Variants in EPB41L1 observed in about 807,000 individuals in gnomAD.
EPB41L1 encodes the protein erythrocyte membrane protein band 4.1 like 1.
EPB41L1 carries 29 observed loss-of-function variants against 97.8 expected under a neutral mutation model. The observed-to-expected ratio is 0.30, with a 90% CI of 0.22 to 0.40. EPB41L1 has a LOEUF of 0.40. Ranked by LOEUF, EPB41L1 falls within the 10% of genes least tolerant of loss-of-function variation. The pLI is 1.00. For missense variants in EPB41L1, 812 were observed against 1,162.3 expected (o/e 0.70, Z 4.38); for synonymous variants, 383 against 459.2 (o/e 0.83, Z 2.12).
At chr20:36,141,687 GCAACAAAA>G (rs2059645084) in intron 2 of EPB41L1, among the ~76,000 whole-genome samples, 1 of 152,182 alleles carries the variant, frequency 6.6e-6, no homozygotes, top group South Asian at 2.1e-4. Flanking sequence ...CAGAAAGTAA[GCAACAAAA>G]CAAGACCCAA....
chr20:36,189,381 C>T (rs1160908553), intron 9 of EPB41L1, among the ~76,000 whole-genome samples: 1 of 152,118 alleles, frequency 6.6e-6, no homozygotes, highest in East Asian at 1.9e-4. Flanking sequence ...TTGAGCTAAA[C>T]TTCAAACTCC....
At chr20:36,192,220 C>CA (rs750446124) in intron 11 of EPB41L1, among the ~76,000 whole-genome samples, 139 of 149,782 alleles carry the variant, frequency 9.3e-4, no homozygotes, top group East Asian at 2.3e-3. Flanking sequence ...GACTCCATCT[C>CA]AAAAAAAATA....
intron 11 of EPB41L1, among the ~76,000 whole-genome samples, chr20:36,193,422 T>A (rs1377201977): frequency 6.6e-6 from 1 of 152,234 alleles, no homozygotes. Flanking sequence ...TATCCTCTTT[T>A]AAAAATCTAG....
intron 17 of EPB41L1, among the ~76,000 whole-genome samples, chr20:36,217,713 C>T (rs1476628745): frequency 6.6e-6 from 1 of 152,194 alleles, no homozygotes; most frequent in Admixed American, 6.5e-5. Context: ...GGGCCACATT[C>T]TGGAACTGCA....
chr20:36,136,338 G>GTTTT (rs60257818), intron 2 of EPB41L1, among the ~76,000 whole-genome samples: 1 of 113,976 alleles, frequency 8.8e-6, no homozygotes, highest in Non-Finnish European at 1.8e-5. Flanking sequence ...GCCCGGCTAA[G>GTTTT]TTTTTTTTTT....
At chr20:36,141,074 G>T (rs1364531188) in intron 2 of EPB41L1, among the ~76,000 whole-genome samples, 3 of 152,210 alleles carry the variant, frequency 2.0e-5, no homozygotes, top group Non-Finnish European at 4.4e-5. Flanking sequence ...CAGGAGGAGG[G>T]TCTTTGTAGA....
At chr20:36,180,050 C>T (rs191919024) in intron 5 of EPB41L1, among the ~76,000 whole-genome samples, 1 of 152,338 alleles carries the variant, frequency 6.6e-6, no homozygotes, top group Non-Finnish European at 1.5e-5. Flanking sequence ...CAGGTCTCAG[C>T]ATCCCTCCCA....
At chr20:36,104,157 T>C (rs1244855071) in intron 1 of EPB41L1, among the ~76,000 whole-genome samples, 1 of 152,132 alleles carries the variant, frequency 6.6e-6, no homozygotes, top group Non-Finnish European at 1.5e-5. Context: ...AAGAAGTCAG[T>C]GTCTGGCAGA....
At chr20:36,130,263 T>TTTTTC (rs2059147190) in intron 2 of EPB41L1, among the ~76,000 whole-genome samples, 1 of 105,198 alleles carries the variant, frequency 9.5e-6, no homozygotes, top group African/African-American at 5.8e-5. Context: ...TTTGTTTTTT[T>TTTTTC]TAATTAAAAC....
chr20:36,194,935 T>TGTGTGCACACACAGGC (rs2062123295), intron 12 of EPB41L1, among the ~76,000 whole-genome samples: 1 of 152,154 alleles, frequency 6.6e-6, no homozygotes, highest in Non-Finnish European at 1.5e-5. Flanking sequence ...CACACACAGG[T>TGTGTGCACACACAGGC]GTGTGCACAC....
chr20:36,161,658 A>G (rs2145658004), intron 1 of EPB41L1, among the ~76,000 whole-genome samples: 1 of 152,086 alleles, frequency 6.6e-6, no homozygotes, highest in Non-Finnish European at 1.5e-5. Context: ...TATTTTTAGT[A>G]GAGACAGGTT....
chr20:36,214,608 C>T (rs1256663642), intron 17 of EPB41L1, among the ~76,000 whole-genome samples, 168 bp downstream of exon 17: 1 of 152,176 alleles, frequency 6.6e-6, no homozygotes, highest in African/African-American at 2.4e-5. Flanking sequence ...TTAGTTGCCA[C>T]AGGACATAGT....
At chr20:36,214,585 A>G in intron 17 of EPB41L1, 145 bp downstream of exon 17, 1 of 723,014 alleles carries the variant, frequency 1.4e-6, no homozygotes, top group Non-Finnish European at 2.4e-6. Context: ...TCAGCTGTTT[A>G]TTATCTGGGG....
At chr20:36,157,611 G>A (rs2060362866) in intron 1 of EPB41L1, among the ~76,000 whole-genome samples, 1 of 152,214 alleles carries the variant, frequency 6.6e-6, no homozygotes, top group Admixed American at 6.5e-5. Flanking sequence ...TGAGGGGTGT[G>A]TGTGTGTGTG....
chr20:36,200,187 T>G (rs1460927349), intron 14 of EPB41L1, among the ~76,000 whole-genome samples: 5 of 152,138 alleles, frequency 3.3e-5, no homozygotes, highest in Non-Finnish European at 7.4e-5. Context: ...TGAGCCGCAT[T>G]GCCTAGTCCA....
Position 36,195,422 on chromosome 20 carries a change from C to A in EPB41L1, c.1485+58C>A. On this transcript the variant is annotated intron_variant, in intron 13 of 21. Coordinates refer to ENST00000338074, the MANE Select transcript of EPB41L1 (RefSeq NM_012156.2). The surrounding 1 kb of genome is among the most constrained non-coding windows in gnomAD (Gnocchi z 4.6). ...CCGTTCCCATCCCTAGCTCATTTGT[C>A]ACCATCCCACAGTCCATCCCAGGCT... is the stretch of plus-strand genomic sequence containing the variant. 6.3e-7 allele frequency: 1 copy of A among 1,589,726 alleles called. No homozygotes were observed. Among genetic ancestry groups the A allele is most frequent in the South Asian group, 1.1e-5 (1 of 90,472 alleles).
intron 2 of EPB41L1, among the ~76,000 whole-genome samples, chr20:36,147,154 A>G (rs1405741497): frequency 1.3e-5 from 2 of 152,180 alleles, no homozygotes; most frequent in Non-Finnish European, 2.9e-5. Context: ...TCTCAAAACA[A>G]TAATAACAGC....
chr20:36,203,794 T>A lies in EPB41L1; in HGVS notation c.1669-5694T>A, dbSNP rs575819401. Reference sequence around the variant, plus strand: ...CCCTTCCTTTTATCTCGCTTTCCCATGAACAAGATTATTTTAATGGGTTCT... The same window carrying A: ...CCCTTCCTTTTATCTCGCTTTCCCAAGAACAAGATTATTTTAATGGGTTCT... On this transcript the variant is annotated intron_variant, in intron 14 of 21. Coordinates refer to ENST00000338074, the MANE Select transcript of EPB41L1 (RefSeq NM_012156.2). 2.0e-5 allele frequency among the ~76,000 whole-genome samples: 3 copies of A among 152,310 alleles called. No homozygotes were observed. In the South Asian group the frequency reaches 6.2e-4, roughly 32 times the overall value.
At chr20:36,149,475 A>G (rs2059961949) in intron 2 of EPB41L1, among the ~76,000 whole-genome samples, 1 of 152,100 alleles carries the variant, frequency 6.6e-6, no homozygotes, top group Non-Finnish European at 1.5e-5. Flanking sequence ...GTGCTTTGAG[A>G]GGCTTCTTAG....
Sources: gnomAD v4.1 joint callset for allele counts (sites outside exome capture counted in the v4.1 genomes callset) on GRCh38, gnomAD v4.1.1 for gene constraint, Gnocchi (gnomAD v3.1) non-coding constraint, MANE v1.5 for transcripts, NCBI Gene and HGNC (gene_info 2026-07-23, HGNC 2026-07-21) for gene names.